The following ZNF578 variants were observed in gnomAD, a reference collection of about 807,000 sequenced individuals.
ZNF578 encodes Putative chemokine-related protein B42.
ZNF578 carries 8 observed loss-of-function variants against 8.3 expected under a neutral mutation model. The observed-to-expected ratio is 0.96, with a 90% CI of 0.56 to 1.74. ZNF578 has a LOEUF of 1.74. Among genes scored for constraint, ZNF578 ranks in the 40% most tolerant of loss-of-function variants. ZNF578 has a pLI of 0.00. For missense variants in ZNF578, 726 were observed against 707.5 expected, an observed-to-expected ratio of 1.03 and a Z score of -0.30; for synonymous variants, 206 against 232.2, an observed-to-expected ratio of 0.89 and a Z score of 1.03.
chr19:52,485,247 A>T (rs1487960130), intron 2 of ZNF578, among the ~76,000 whole-genome samples: 1 of 152,214 alleles, frequency 6.6e-6, no homozygotes, highest in Non-Finnish European at 1.5e-5. Context: ...TAGTAAGAAC[A>T]AGGCCCCAAG....
At chr19:52,482,265 C>T (rs1429916668) in intron 2 of ZNF578, among the ~76,000 whole-genome samples, 2 of 152,150 alleles carry the variant, frequency 1.3e-5, no homozygotes, top group Admixed American at 1.3e-4. Flanking sequence ...AATTCCCGAC[C>T]TCAGGTGATC....
intron 2 of ZNF578, chr19:52,473,877 C>T (rs950913142): frequency 8.9e-6 from 3 of 338,498 alleles, no homozygotes; most frequent in Non-Finnish European, 1.1e-5. Flanking sequence ...CTACTATAGA[C>T]CTTGCCACAT....
intron 2 of ZNF578, among the ~76,000 whole-genome samples, chr19:52,476,889 A>G: frequency 6.6e-6 from 1 of 152,194 alleles, no homozygotes; most frequent in East Asian, 1.9e-4. Flanking sequence ...TTACACAGGT[A>G]GGTCTATTAG....
At chr19:52,459,941 A>AT (rs2059252692) in intron 2 of ZNF578, among the ~76,000 whole-genome samples, 2 of 148,738 alleles carry the variant, frequency 1.3e-5, no homozygotes, top group African/African-American at 2.5e-5. Context: ...CTAATTTTGT[A>AT]TTTTTATTAG....
intron 3 of ZNF578, among the ~76,000 whole-genome samples, chr19:52,496,554 C>T (rs1166666439): frequency 6.7e-6 from 1 of 149,932 alleles, no homozygotes; most frequent in Non-Finnish European, 1.5e-5. Context: ...TGGTCTCGAT[C>T]TCCTGACCTC....
chr19:52,493,251 C>G (rs1412841011), intron 3 of ZNF578, among the ~76,000 whole-genome samples: 1 of 152,128 alleles, frequency 6.6e-6, no homozygotes, highest in Non-Finnish European at 1.5e-5. Context: ...GCTGCGTCTT[C>G]TGCCTGGTCC....
rs2059451953 is a variant in ZNF578 at position 52,512,249 on chromosome 19, G to A, written c.*95G>A. The A allele has an allele frequency of 6.2e-7, 1 of 1,603,052 alleles. No individual in the cohort carries two copies. Among genetic ancestry groups the A allele is most frequent in the Non-Finnish European group, 8.5e-7 (1 of 1,170,356 alleles). On this transcript the variant is annotated 3_prime_UTR_variant, in exon 6 of 6. Transcript: ENST00000421239. ...TAAAAGACATAGGAGAATTCATACT[G>A]GAGAGAAACCTTACAAGTGTAATGA...
At chr19:52,466,440 T>C (rs1250871680) in intron 2 of ZNF578, among the ~76,000 whole-genome samples, 1 of 152,236 alleles carries the variant, frequency 6.6e-6, no homozygotes, top group Non-Finnish European at 1.5e-5. Flanking sequence ...CTGCAACTTA[T>C]TGTCCCATAT....
At chr19:52,506,626 C>G (rs1273904727) in intron 5 of ZNF578, among the ~76,000 whole-genome samples, 1 of 152,074 alleles carries the variant, frequency 6.6e-6, no homozygotes, top group Non-Finnish European at 1.5e-5. Context: ...CCACCATGCC[C>G]GGCTAATACT....
At position 52,516,337 on chromosome 19, in the gene ZNF578, G is replaced by A. The variant is rs557452007; in HGVS notation, c.*4183G>A. ...CAACTTTAGGTCTGTGCCCTGAAGG[G>A]GAGCTCATTCCAGCCCAGTTCCCAA... On this transcript the variant is annotated 3_prime_UTR_variant, in exon 6 of 6. Transcript: ENST00000421239. Among the ~76,000 whole-genome samples the A allele has an allele frequency of 6.6e-6, 1 of 152,318 alleles. No individual in the cohort carries two copies. Among genetic ancestry groups the A allele is most frequent in the South Asian group, 2.1e-4 (1 of 4,828 alleles).
At chr19:52,496,975 C>T (rs1020366285) in intron 3 of ZNF578, among the ~76,000 whole-genome samples, 3 of 152,076 alleles carry the variant, frequency 2.0e-5, no homozygotes, top group African/African-American at 4.8e-5. Context: ...TGCTGTTGTC[C>T]AGGCTGGAGT....
At chr19:52,491,587 C>T (rs1030393684) in intron 3 of ZNF578, among the ~76,000 whole-genome samples, 162 bp downstream of exon 3, 8 of 151,762 alleles carry the variant, frequency 5.3e-5, no homozygotes, top group Non-Finnish European at 1.2e-4. Flanking sequence ...TGGTCGTGTG[C>T]GCTTGTAATA....
At position 52,511,410 on chromosome 19, in the gene ZNF578, C is replaced by A. The variant is rs1425860348; in HGVS notation, c.1029C>A (p.Tyr343Ter). ...GGTGTCACACTGGTGAGAAACCTTACAAGTGTAATGAATGTGGAAAGTCCT... is the reference window on the plus strand; with the variant it reads ...GGTGTCACACTGGTGAGAAACCTTAAAAGTGTAATGAATGTGGAAAGTCCT... ...HHRCHTGEKP[Y>*]KCNECGKSFS... The change falls in exon 6 of 6, where the codon TAC becomes TAA. Residue 343 changes from tyrosine (Y) to a stop codon, truncating the protein, a stop_gained. Transcript: ENST00000421239. LOFTEE classifies it low-confidence loss of function (END_TRUNC). 5 of 1,614,186 alleles carry A rather than the reference C, an allele frequency of 3.1e-6. No individual in the cohort carries two copies. The highest frequency in any genetic ancestry group is 1.7e-5 in the Admixed American group (1 of 60,028).
intron 2 of ZNF578, among the ~76,000 whole-genome samples, chr19:52,487,783 C>T (rs10410851): frequency 6.6e-6 from 1 of 152,078 alleles, no homozygotes; most frequent in Non-Finnish European, 1.5e-5. Flanking sequence ...CCATGAGCCA[C>T]CAAGCCCGGC....
intron 1 of ZNF578, chr19:52,454,980 A>T (rs1029960659): frequency 1.3e-5 from 2 of 152,160 alleles, no homozygotes; most frequent in Non-Finnish European, 2.9e-5. Flanking sequence ...TAACAGGCTC[A>T]CTTACCTGTC....
chr19:52,465,839 G>T (rs2059273208), intron 2 of ZNF578, among the ~76,000 whole-genome samples: 1 of 152,160 alleles, frequency 6.6e-6, no homozygotes, highest in Non-Finnish European at 1.5e-5. Context: ...TCATCCTCAG[G>T]AGTCCTCCAT....
At chr19:52,488,575 C>T (rs546351008) in intron 2 of ZNF578, among the ~76,000 whole-genome samples, 5 of 151,144 alleles carry the variant, frequency 3.3e-5, no homozygotes, top group East Asian at 2.0e-4. Context: ...CGCCACTGCA[C>T]TCCAGCCTGG....
chr19:52,505,034 T>C (rs1349204804), intron 5 of ZNF578, among the ~76,000 whole-genome samples: 2 of 152,086 alleles, frequency 1.3e-5, no homozygotes, highest in African/African-American at 4.8e-5. Context: ...ATTATAGGCA[T>C]GCGCCACCAC....
At chr19:52,477,707 C>T (rs1010851906) in intron 2 of ZNF578, among the ~76,000 whole-genome samples, 2 of 151,748 alleles carry the variant, frequency 1.3e-5, no homozygotes, top group East Asian at 1.9e-4. Context: ...CAGCTCAATT[C>T]CCACATCTTG....
Sources: gnomAD v4.1 joint callset for allele counts (sites outside exome capture counted in the v4.1 genomes callset) on GRCh38, gnomAD v4.1.1 for gene constraint, MANE v1.5 for transcripts, NCBI Gene and HGNC (gene_info 2026-07-23, HGNC 2026-07-21) for gene names.